Variants in SLC25A26 observed in about 807,000 individuals in gnomAD.
SLC25A26 encodes solute carrier family 25 member 26, also known as mitochondrial S-adenosylmethionine carrier protein.
SLC25A26 carries 36 observed loss-of-function variants against 37.8 expected under a neutral mutation model. That is an observed-to-expected ratio of 0.95 (90% CI 0.73 to 1.26). The LOEUF (loss-of-function observed/expected upper bound fraction) is 1.26, where lower values mean the gene tolerates loss of function less well. SLC25A26 is among the 50% of genes most tolerant of loss of function. SLC25A26 has a pLI of 0.00. For missense variants in SLC25A26, 390 were observed against 331.1 expected (o/e 1.18, Z -1.38); for synonymous variants, 129 against 122.5 (o/e 1.05, Z -0.35).
At chr3:66,200,847 T>G (rs1396207859) in intron 1 of SLC25A26, among the ~76,000 whole-genome samples, 1 of 152,178 alleles carries the variant, frequency 6.6e-6, no homozygotes, top group Non-Finnish European at 1.5e-5. Context: ...CATTGGTAAC[T>G]GCTTCCCGAG....
intron 9 of SLC25A26, among the ~76,000 whole-genome samples, chr3:66,374,490 C>T (rs1048434712): frequency 6.6e-6 from 1 of 152,206 alleles, no homozygotes; most frequent in African/African-American, 2.4e-5. Flanking sequence ...CCTTAGGCCT[C>T]TATTCTGTGA....
At chr3:66,172,226 C>T (rs949338528) in intron 1 of SLC25A26, among the ~76,000 whole-genome samples, 1 of 151,828 alleles carries the variant, frequency 6.6e-6, no homozygotes, top group East Asian at 1.9e-4. Flanking sequence ...GCCTGAGCAA[C>T]ACGGCAAAAC....
At chr3:66,334,296 C>G (rs1313479143) in intron 5 of SLC25A26, among the ~76,000 whole-genome samples, 1 of 152,054 alleles carries the variant, frequency 6.6e-6, no homozygotes, top group East Asian at 1.9e-4. Context: ...CAGTTCTGAA[C>G]AGAAGCTTTG....
chr3:66,360,873 C>G (rs1274005614), intron 6 of SLC25A26, among the ~76,000 whole-genome samples: 3 of 152,160 alleles, frequency 2.0e-5, no homozygotes, highest in Non-Finnish European at 4.4e-5. Context: ...ACAGTCTTAG[C>G]AGGTTATTTC....
chr3:66,362,427 T>A (rs546448479), intron 6 of SLC25A26, among the ~76,000 whole-genome samples: 1 of 152,052 alleles, frequency 6.6e-6, no homozygotes, highest in South Asian at 2.1e-4. Flanking sequence ...AAGTTGGATT[T>A]AAAAAAAATA....
intron 1 of SLC25A26, among the ~76,000 whole-genome samples, chr3:66,145,407 T>C (rs1025699014): frequency 6.6e-6 from 1 of 152,186 alleles, no homozygotes; most frequent in Non-Finnish European, 1.5e-5. Context: ...GCCTTCAAAT[T>C]TATTGCATTT....
chr3:66,187,859 G>C (rs1414892513), intron 1 of SLC25A26, among the ~76,000 whole-genome samples: 2 of 151,354 alleles, frequency 1.3e-5, no homozygotes, highest in Non-Finnish European at 2.9e-5. Context: ...CCCTTATCTT[G>C]AGAATGAAAA....
intron 5 of SLC25A26, among the ~76,000 whole-genome samples, chr3:66,282,910 G>C (rs189505068): frequency 4.6e-5 from 7 of 152,216 alleles, no homozygotes; most frequent in African/African-American, 1.7e-4. Context: ...AGTTTTTTCT[G>C]TTTGAGAATG....
At chr3:66,345,823 A>G (rs1575592784) in intron 5 of SLC25A26, among the ~76,000 whole-genome samples, 1 of 152,320 alleles carries the variant, frequency 6.6e-6, no homozygotes, top group East Asian at 1.9e-4. Context: ...TTGTCATTTC[A>G]GTAGCCAGAC....
At chr3:66,282,688 C>T (rs2074386185) in intron 5 of SLC25A26, among the ~76,000 whole-genome samples, 1 of 152,178 alleles carries the variant, frequency 6.6e-6, no homozygotes, top group Non-Finnish European at 1.5e-5. Flanking sequence ...AAGAAGAACA[C>T]AGAATTATGA....
chr3:66,306,352 TTTCTC>T (rs1468767669), intron 5 of SLC25A26, among the ~76,000 whole-genome samples: 21 of 146,812 alleles, frequency 1.4e-4, no homozygotes, highest in African/African-American at 5.5e-4. Flanking sequence ...TTGATTTTCA[TTTCTC>T]TAATCAGTGA....
chr3:66,372,540 T>C (rs978367817), intron 9 of SLC25A26, among the ~76,000 whole-genome samples: 6 of 152,184 alleles, frequency 3.9e-5, no homozygotes, highest in African/African-American at 1.2e-4. Context: ...CCTGTCCCCA[T>C]TGTCAGCTCT....
chr3:66,163,888 G>A (rs1003501206), intron 1 of SLC25A26, among the ~76,000 whole-genome samples: 6 of 152,190 alleles, frequency 3.9e-5, no homozygotes, highest in Non-Finnish European at 8.8e-5. Context: ...ATATTTGGAA[G>A]TCCCTGGAAA....
rs2071231413 is a variant in SLC25A26, at chr3:66,209,070, ACAC to A, written c.-353-11671_-353-11669del. Among the ~76,000 whole-genome samples the A allele has an allele frequency of 1.6e-3, 11 of 7,034 alleles. 1 individual carries two copies. The highest frequency in any genetic ancestry group is 0.013 in the East Asian group (3 of 224). The allele number at this position is 7,034 out of a possible 152,430, so 4.6% of individuals were successfully genotyped here. ...TATATATATATATATATATATACAC[ACAC>A]ACACCCATATAAAGATGTATATATA... On this transcript the variant is annotated intron_variant, in intron 1 of 10. Coordinates refer to the SLC25A26 transcript ENST00000676754.
At chr3:66,194,023 G>A (rs1046228772) in intron 1 of SLC25A26, among the ~76,000 whole-genome samples, 5 of 152,142 alleles carry the variant, frequency 3.3e-5, no homozygotes, top group African/African-American at 1.2e-4. Flanking sequence ...ATAAAGGAAC[G>A]ATAAGTTGAC....
intron 3 of SLC25A26, among the ~76,000 whole-genome samples, chr3:66,246,132 A>G (rs576529161): frequency 9.8e-5 from 15 of 152,294 alleles, no homozygotes; most frequent in Non-Finnish European, 1.3e-4. Flanking sequence ...TCCGTGTTGT[A>G]GCATCTGTTA....
intron 2 of SLC25A26, among the ~76,000 whole-genome samples, chr3:66,240,749 T>TTTC (rs1234002423): frequency 2.1e-5 from 3 of 144,146 alleles, no homozygotes; most frequent in African/African-American, 7.8e-5. Context: ...TTTCTTTTCT[T>TTTC]TTTTTTTTTT....
intron 1 of SLC25A26, among the ~76,000 whole-genome samples, chr3:66,168,285 A>C (rs2070453487): frequency 6.6e-6 from 1 of 151,426 alleles, no homozygotes; most frequent in Non-Finnish European, 1.5e-5. Context: ...TCTTCAGGGA[A>C]CCACTACTTT....
intron 1 of SLC25A26, among the ~76,000 whole-genome samples, chr3:66,203,360 G>A (rs1171681531): frequency 6.6e-6 from 1 of 151,550 alleles, no homozygotes; most frequent in Non-Finnish European, 1.5e-5. Context: ...CAGCCTGGGT[G>A]ATGAGAGTGA....
Sources: gnomAD v4.1 joint callset for allele counts (sites outside exome capture counted in the v4.1 genomes callset) on GRCh38, gnomAD v4.1.1 for gene constraint, MANE v1.5 for transcripts, NCBI Gene and HGNC (gene_info 2026-07-23, HGNC 2026-07-21) for gene names.